The following HIRIP3 variants were observed in gnomAD, a reference collection of about 807,000 sequenced individuals.
The protein encoded by HIRIP3 is HIRA-interacting protein 3.
A neutral mutation model predicts 50.3 loss-of-function variants in HIRIP3; 40 were observed. The ratio of observed to expected loss-of-function variants is 0.79; its 90% CI spans 0.62 to 1.03. The LOEUF is 1.03. Among genes scored for constraint, HIRIP3 ranks in the 50% least tolerant of loss-of-function variants. The pLI is 0.00. For missense variants in HIRIP3, 765 were observed against 705.4 expected (o/e 1.08, Z -0.96); for synonymous variants, 318 against 261.6 (o/e 1.22, Z -2.08).
At position 29,994,316 on chromosome 16, in the gene HIRIP3, T is replaced by TA. The variant is rs1555465913; in HGVS notation, c.828dup (p.Lys277Ter). On this transcript the variant is annotated frameshift_variant, in exon 4 of 7. Transcript: ENST00000279392. LOFTEE classifies it high-confidence loss of function. The stretch of plus-strand genomic sequence containing the variant: ...AGCCTCTTTGCCTGGCTTTTCTGCT[T>TA]ACAGCTCCTCTCCTCCCTAGCTGAC... The TA allele has an allele frequency of 1.9e-6, 3 of 1,614,182 alleles. No individual in the cohort carries two copies. The East Asian group carries it at 6.7e-5, about 36-fold the overall frequency.
Position 29,993,539 on chromosome 16 carries a change from T to C in HIRIP3, c.1427A>G (p.Lys476Arg). ...CCTCTGCTCCTTCAGGGCCCGACAC[T>C]TCCCTAGGGAAGGGGTACCTGGGGC... The part of the protein sequence containing the change: ...LGMKGTPSLG[K>R]CRALKEQREE... The change falls in exon 6 of 7, where the codon AAG (lysine) becomes AGG (arginine). Residue 476 changes from lysine to arginine, a missense_variant. Coordinates refer to ENST00000279392, the MANE Select transcript of HIRIP3 (RefSeq NM_003609.5). The C allele has an allele frequency of 6.2e-7, 1 of 1,613,668 alleles. No individual in the cohort carries two copies. The highest frequency in any genetic ancestry group is 1.1e-5 in the South Asian group (1 of 91,082).
chr16:29,993,376 G>A lies in HIRIP3; in HGVS notation c.1508-6C>T. The A allele has an allele frequency of 1.3e-6, 2 of 1,561,236 alleles. No homozygotes were observed. The highest frequency in any genetic ancestry group is 8.7e-7 in the Non-Finnish European group (1 of 1,149,328). On this transcript the variant is annotated splice_polypyrimidine_tract_variant and splice_region_variant and intron_variant, in intron 6 of 6. Coordinates refer to ENST00000279392, the MANE Select transcript of HIRIP3 (RefSeq NM_003609.5). ...TGTACGTCTGCGTGGCCGGCCTAGG[G>A]GAAAGGGGAAACGAGAGATCAGATG...
At position 29,994,317 on chromosome 16, in the gene HIRIP3, AC is replaced by A. The variant is rs774729176; in HGVS notation, c.827del (p.Cys276LeufsTer54). 6.2e-7 allele frequency: 1 copy of A among 1,613,920 alleles called. No homozygotes were observed. The highest frequency in any genetic ancestry group is 8.5e-7 in the Non-Finnish European group (1 of 1,179,988). ...GCCTCTTTGCCTGGCTTTTCTGCTT[AC>A]AGCTCCTCTCCTCCCTAGCTGACTT... ...RRKSAREERS[C>X]KQKSQAKRLL... is the part of the protein sequence containing the mutation. On this transcript the variant is annotated frameshift_variant, in exon 4 of 7. Transcript: ENST00000279392. LOFTEE classifies it high-confidence loss of function.
Position 29,995,138 on chromosome 16 carries a change from G to A in HIRIP3, c.266C>T (p.Pro89Leu). 1.9e-6 allele frequency: 3 copies of A among 1,614,174 alleles called. No individual in the cohort carries two copies. The highest frequency in any genetic ancestry group is 1.3e-5 in the African/African-American group (1 of 75,048). Residue 89 changes from proline to leucine, a missense_variant, in exon 3 of 7, where the codon CCG (proline) becomes CTG (leucine). Coordinates refer to ENST00000279392, the MANE Select transcript of HIRIP3 (RefSeq NM_003609.5). ...GKRPPTPCSD[P>L]ERKRFRFNSE... Reference sequence around the variant, plus strand: ...ATTGAAGCGGAACCTTTTTCTCTCCGGGTCGCTACAAGGGGTGGGAGGCCT... The same window carrying A: ...ATTGAAGCGGAACCTTTTTCTCTCCAGGTCGCTACAAGGGGTGGGAGGCCT...
chr16:29,995,414 G>C lies in HIRIP3; in HGVS notation c.115C>G (p.Arg39Gly). ...TTCTCCTCGGGCTCCAGGTGGCTGC[G>C]GCCCGAGTGAGCTAAGTACCTCCGC... is the stretch of plus-strand genomic sequence containing the variant. ...VRRRYLAHSG[R>G]SHLEPEEKQA... Residue 39 changes from arginine (R) to glycine (G), a missense_variant, in exon 2 of 7, where the codon CGC (arginine) becomes GGC (glycine). By Grantham distance (125) the Arg-to-Gly change is moderately radical. Coordinates refer to ENST00000279392, the MANE Select transcript of HIRIP3 (RefSeq NM_003609.5). 3.1e-6 allele frequency: 5 copies of C among 1,613,672 alleles called. No homozygotes were observed. The highest frequency in any genetic ancestry group is 4.2e-6 in the Non-Finnish European group (5 of 1,179,872).
In HIRIP3 at chr16:29,994,323, C is replaced by A. The variant is rs749619336; in HGVS notation, c.822G>T (p.Arg274Ser). ...TTGCCTGGCTTTTCTGCTTACAGCT[C>A]CTCTCCTCCCTAGCTGACTTTCTCC... ...NGRRKSAREE[R>S]SCKQKSQAKR... Residue 274 changes from arginine (R) to serine (S), a missense_variant, in exon 4 of 7, where the codon AGG becomes AGT. Arg to Ser is a moderately radical substitution (Grantham distance 110). Transcript: ENST00000279392. 6.2e-7 allele frequency: 1 copy of A among 1,614,020 alleles called. No individual in the cohort carries two copies. The highest frequency in any genetic ancestry group is 1.1e-5 in the South Asian group (1 of 91,078).
Position 29,993,296 on chromosome 16 carries a change from G to C in HIRIP3, c.1582C>G (p.Leu528Val), listed in dbSNP as rs1186035175. The C allele has an allele frequency of 1.1e-5, 17 of 1,544,868 alleles. No homozygotes were observed. Among genetic ancestry groups the C allele is most frequent in the Non-Finnish European group, 1.2e-5 (14 of 1,144,104 alleles). ...APPGELYRRTLDSDEERPRPA... is the reference protein window; with the variant it reads ...APPGELYRRTVDSDEERPRPA... Reference sequence around the variant, plus strand: ...CGGGGCCGCTCTTCATCTGAGTCCAGGGTCCGTCGGTACAGCTCCCCTGGG... The same window carrying C: ...CGGGGCCGCTCTTCATCTGAGTCCACGGTCCGTCGGTACAGCTCCCCTGGG... The change falls in exon 7 of 7, where the codon CTG becomes GTG. Residue 528 changes from leucine to valine, a missense_variant. Coordinates refer to ENST00000279392, the MANE Select transcript of HIRIP3 (RefSeq NM_003609.5).
Position 29,994,559 on chromosome 16 carries a change from TTTC to T in HIRIP3, c.583_585del (p.Glu195del). The T allele has an allele frequency of 1.2e-6, 2 of 1,614,218 alleles. No homozygotes were observed. Among genetic ancestry groups the T allele is most frequent in the African/African-American group, 1.3e-5 (1 of 75,050 alleles). On this transcript the variant is annotated inframe_deletion, in exon 4 of 7. Transcript: ENST00000279392. ...ACGGGTTCTGCCTCGCTCTCCTCAC[TTTC>T]TTCCCTGGCCTGCTTCCTACTGACT... is the stretch of plus-strand genomic sequence containing the variant.
Position 29,994,370 on chromosome 16 carries a change from G to A in HIRIP3, c.775C>T (p.Pro259Ser). 1.9e-6 allele frequency: 3 copies of A among 1,614,034 alleles called. No homozygotes were observed. Among genetic ancestry groups the A allele is most frequent in the Non-Finnish European group, 2.5e-6 (3 of 1,179,990 alleles). Residue 259 changes from proline to serine, a missense_variant, in exon 4 of 7, where the codon CCC becomes TCC. Transcript: ENST00000279392. ...EEDEEKGDWK[P>S]RTRSNGRRKS... ...CTCCGGCCATTGCTCCTGGTTCTGGGTTTCCAATCCCCCTTTTCCTCATCC... is the reference window on the plus strand; with the variant it reads ...CTCCGGCCATTGCTCCTGGTTCTGGATTTCCAATCCCCCTTTTCCTCATCC...
In HIRIP3 at chr16:29,995,532, C is replaced by G; in HGVS notation, c.65+9G>C. ...CCCTTTCCAACCCCATCTCCAACCC[C>G]CTGGGCACCTGAGGTCCGGGCGGCC... On this transcript the variant is annotated intron_variant, in intron 1 of 6. Coordinates refer to ENST00000279392, the MANE Select transcript of HIRIP3 (RefSeq NM_003609.5). The G allele has an allele frequency of 1.2e-6, 2 of 1,613,456 alleles. No individual in the cohort carries two copies. Among genetic ancestry groups the G allele is most frequent in the South Asian group, 1.1e-5 (1 of 91,058 alleles).
At chr16:29,993,848 C>T (rs758482780) in intron 4 of HIRIP3, 40 bp from the exon 5 acceptor site, 1 of 1,610,362 alleles carries the variant, frequency 6.2e-7, no homozygotes, top group East Asian at 2.2e-5. Flanking sequence ...GCCTGCTGGG[C>T]CTGAGGCAGG....
At position 29,992,627 on chromosome 16, in the gene HIRIP3, G is replaced by A. The variant is rs1410677576; in HGVS notation, c.*580C>T. ...GCCTAGAGGGCTAGGACTGGCCCAGGAGGTATGGGCTTTTCCCCACCCCTT... is the reference window on the plus strand; with the variant it reads ...GCCTAGAGGGCTAGGACTGGCCCAGAAGGTATGGGCTTTTCCCCACCCCTT... On this transcript the variant is annotated 3_prime_UTR_variant, in exon 7 of 7. Transcript: ENST00000279392. The A allele has an allele frequency of 2.0e-5, 3 of 152,448 alleles. No homozygotes were observed. Among genetic ancestry groups the A allele is most frequent in the Middle Eastern group, 3.4e-3 (1 of 294 alleles). The allele number at this position is 152,448 out of a possible 1,614,324, so 9.4% of individuals were successfully genotyped here. A position where few individuals can be genotyped will look rare whatever the true frequency, so the allele number is the denominator to read the frequency against.
Position 29,992,889 on chromosome 16 carries a change from G to C in HIRIP3, c.*318C>G. On this transcript the variant is annotated 3_prime_UTR_variant, in exon 7 of 7. Transcript: ENST00000279392. ...AGGCAGGGACTTCTTCCAGGAACCC[G>C]GGGGAAATTAAAGGGAACCAGGCCA... 9.0e-6 allele frequency: 2 copies of C among 221,346 alleles called. No individual in the cohort carries two copies. Among genetic ancestry groups the C allele is most frequent in the Middle Eastern group, 1.5e-3 (1 of 676 alleles). The allele number at this position is 221,346 out of a possible 1,614,324, so 13.7% of individuals were successfully genotyped here. A position where few individuals can be genotyped will look rare whatever the true frequency, so the allele number is the denominator to read the frequency against.
In HIRIP3 at chr16:29,995,549, C is replaced by T. The variant is rs1163886764; in HGVS notation, c.57G>A (p.Pro19=). ...TCCAACCCCCTGGGCACCTGAGGTC[C>T]GGGCGGCCTCGGAAGAAGCTACGGG... The part of the protein sequence containing the change: ...EFTRSFFRGR[P]DLSTLTHSIV... The change falls in exon 1 of 7, where the codon CCG becomes CCA. Residue 19 remains proline (P), a synonymous_variant. Transcript: ENST00000279392. 3.1e-6 allele frequency: 5 copies of T among 1,613,082 alleles called. No homozygotes were observed. The highest frequency in any genetic ancestry group is 3.3e-5 in the Admixed American group (2 of 60,034).
chr16:29,995,116 G>T lies in HIRIP3; in HGVS notation c.288C>A (p.Phe96Leu). Reference protein sequence around the residue: ...CSDPERKRFRFNSESESGSEA... With the variant: ...CSDPERKRFRLNSESESGSEA... The stretch of plus-strand genomic sequence containing the variant: ...GGAAGCACTAACCCGACTCTGAATT[G>T]AAGCGGAACCTTTTTCTCTCCGGGT... The change falls in exon 3 of 7, where the codon TTC becomes TTA. Residue 96 changes from phenylalanine to leucine, a missense_variant. Transcript: ENST00000279392. 1 of 1,614,170 alleles carries T rather than the reference G, an allele frequency of 6.2e-7. No homozygotes were observed. The highest frequency in any genetic ancestry group is 8.5e-7 in the Non-Finnish European group (1 of 1,179,988).
chr16:29,995,128 T>G lies in HIRIP3; in HGVS notation c.276A>C (p.Lys92Asn). Reference sequence around the variant, plus strand: ...CCGACTCTGAATTGAAGCGGAACCTTTTTCTCTCCGGGTCGCTACAAGGGG... The same window carrying G: ...CCGACTCTGAATTGAAGCGGAACCTGTTTCTCTCCGGGTCGCTACAAGGGG... Reference protein sequence around the residue: ...PPTPCSDPERKRFRFNSESES... With the variant: ...PPTPCSDPERNRFRFNSESES... Residue 92 changes from lysine (K) to asparagine (N), a missense_variant, in exon 3 of 7, where the codon AAA becomes AAC. Physicochemically the swap from Lys to Asn is moderately conservative, Grantham distance 94 (BLOSUM62 0). Coordinates refer to ENST00000279392, the MANE Select transcript of HIRIP3 (RefSeq NM_003609.5). The G allele has an allele frequency of 6.2e-7, 1 of 1,614,162 alleles. No homozygotes were observed. Among genetic ancestry groups the G allele is most frequent in the Non-Finnish European group, 8.5e-7 (1 of 1,180,010 alleles).
intron 2 of HIRIP3, 51 bp from the exon 3 acceptor site, chr16:29,995,268 G>T (rs773882611): frequency 6.2e-7 from 1 of 1,612,240 alleles, no homozygotes; most frequent in Non-Finnish European, 8.5e-7. Context: ...CGCTCACCGC[G>T]CCCCGTCAGG....
At chr16:29,995,732 C>A, upstream of HIRIP3, 1 of 1,215,822 alleles carries the variant, frequency 8.2e-7, no homozygotes, top group South Asian at 1.4e-5. Context: ...GGCCCTTGGC[C>A]GCGGACCGCG....
chr16:29,994,774 ACTT>A lies in HIRIP3; in HGVS notation c.368_370del (p.Glu123del). 1 of 1,614,068 alleles carries A rather than the reference ACTT, an allele frequency of 6.2e-7. No homozygotes were observed. The highest frequency in any genetic ancestry group is 1.3e-5 in the African/African-American group (1 of 74,990). On this transcript the variant is annotated inframe_deletion, in exon 4 of 7. Coordinates refer to ENST00000279392, the MANE Select transcript of HIRIP3 (RefSeq NM_003609.5). ...TGGATTCTCCTCTTTGGCTGGGCTG[ACTT>A]CTGCTGCCACCCCATTCTTTGCTGG... is the stretch of plus-strand genomic sequence containing the variant.
Sources: allele counts gnomAD v4.1 joint callset, GRCh38; gene constraint gnomAD v4.1.1; transcripts MANE v1.5; gene names NCBI Gene and HGNC (gene_info 2026-07-23, HGNC 2026-07-21).